Variants in PIK3C3 observed in about 807,000 individuals in gnomAD.
PIK3C3 encodes the protein PI3-kinase type 3.
PIK3C3 carries 95 observed loss-of-function variants against 126.1 expected under a neutral mutation model. The ratio of observed to expected loss-of-function variants is 0.75; its 90% CI spans 0.64 to 0.89. The LOEUF is 0.89. Ranked by LOEUF, PIK3C3 falls within the 40% of genes least tolerant of loss-of-function variation. The pLI, the probability that PIK3C3 is intolerant of heterozygous loss-of-function variation, is 0.00. For missense variants in PIK3C3, 829 were observed against 1,063.2 expected, an observed-to-expected ratio of 0.78 and a Z score of 3.06; for synonymous variants, 374 against 360.0, an observed-to-expected ratio of 1.04 and a Z score of -0.44.
chr18:41,977,864 G>A (rs1981007378), intron 4 of PIK3C3, among the ~76,000 whole-genome samples: 1 of 152,190 alleles, frequency 6.6e-6, no homozygotes, highest in Non-Finnish European at 1.5e-5. Context: ...ATTCAGCTCA[G>A]GCTTTTGTCA....
intron 3 of PIK3C3, among the ~76,000 whole-genome samples, chr18:41,965,274 A>C (rs1980298546): frequency 6.6e-6 from 1 of 152,198 alleles, no homozygotes; most frequent in African/African-American, 2.4e-5. Context: ...TCATAAAAAC[A>C]CCTGCGTTAG....
intron 12 of PIK3C3, among the ~76,000 whole-genome samples, chr18:42,016,436 A>G (rs1983077669): frequency 6.6e-6 from 1 of 152,132 alleles, no homozygotes; most frequent in African/African-American, 2.4e-5. Context: ...TCATTCATTC[A>G]TTCACATATA....
intron 4 of PIK3C3, among the ~76,000 whole-genome samples, chr18:41,976,757 C>CT (rs1176490792): frequency 6.6e-6 from 1 of 152,136 alleles, no homozygotes. Flanking sequence ...GTTGTTATTA[C>CT]TTTTTTTACT....
intron 3 of PIK3C3, among the ~76,000 whole-genome samples, chr18:41,965,136 A>G (rs183034829): frequency 2.6e-5 from 4 of 152,328 alleles, no homozygotes; most frequent in African/African-American, 9.6e-5. Flanking sequence ...ACAGAGAAGA[A>G]AAAGAAAAAT....
chr18:42,036,743 G>C (rs562501338), intron 16 of PIK3C3, among the ~76,000 whole-genome samples: 1 of 152,074 alleles, frequency 6.6e-6, no homozygotes, highest in South Asian at 2.1e-4. Flanking sequence ...AAAAGATACA[G>C]ATATTTGAGA....
intron 16 of PIK3C3, among the ~76,000 whole-genome samples, chr18:42,035,781 C>G (rs775403558): frequency 6.6e-6 from 1 of 152,112 alleles, no homozygotes; most frequent in African/African-American, 2.4e-5. Context: ...TGCAGAGGAT[C>G]TGTGGACTCC....
rs1160998763 is a variant in PIK3C3, at chr18:41,993,257, C to T, written c.715-13C>T. The T allele has an allele frequency of 6.4e-7, 1 of 1,567,506 alleles. No homozygotes were observed. Among genetic ancestry groups the T allele is most frequent in the Non-Finnish European group, 8.8e-7 (1 of 1,142,546 alleles). On this transcript the variant is annotated splice_polypyrimidine_tract_variant and intron_variant, in intron 6 of 24. Transcript: ENST00000262039. ...AATTTCTTTTTTTAAAAAATTATTG[C>T]TCTGTAATCTAGGACGGTGATGAAT...
chr18:41,976,367 A>C (rs1320698), intron 4 of PIK3C3, among the ~76,000 whole-genome samples: 1 of 131,632 alleles, frequency 7.6e-6, no homozygotes, highest in Non-Finnish European at 1.7e-5. Context: ...TGAAGACCAA[A>C]AAAAAAAAAA....
At chr18:42,076,712 C>CTTTAAATA (rs1226936034) in intron 24 of PIK3C3, among the ~76,000 whole-genome samples, 2 of 152,158 alleles carry the variant, frequency 1.3e-5, no homozygotes, top group African/African-American at 4.8e-5. Context: ...ATTTTCAGCC[C>CTTTAAATA]AAATGCCTTG....
chr18:42,015,419 G>C (rs146168684), intron 11 of PIK3C3, 57 bp from the exon 12 acceptor site: 14 of 1,336,402 alleles, frequency 1.0e-5, no homozygotes, highest in Non-Finnish European at 1.5e-5. Flanking sequence ...AAAATTGTGC[G>C]TTCTCTTATG....
chr18:41,990,480 T>A lies in PIK3C3; in HGVS notation c.640T>A (p.Phe214Ile). The A allele has an allele frequency of 6.3e-7, 1 of 1,596,860 alleles. No individual in the cohort carries two copies. Among genetic ancestry groups the A allele is most frequent in the Non-Finnish European group, 8.6e-7 (1 of 1,165,288 alleles). The change falls in exon 6 of 25, where the codon TTC becomes ATC. Residue 214 changes from phenylalanine to isoleucine, a missense_variant. By Grantham distance (21) the Phe-to-Ile change is conservative. Coordinates refer to ENST00000262039, the MANE Select transcript of PIK3C3 (RefSeq NM_002647.4). ...TCAGAGTGAAAAACGAAGTTCTAAT[T>A]TCATGTACCTGATGGTTGAATTTCG... ...INESEKRSSN[F>I]MYLMVEFRCV...
At chr18:42,004,814 T>C (rs1982465234) in intron 10 of PIK3C3, among the ~76,000 whole-genome samples, 1 of 152,200 alleles carries the variant, frequency 6.6e-6, no homozygotes, top group African/African-American at 2.4e-5. Flanking sequence ...GCAGAGCTTG[T>C]ATTGCTCTGT....
chr18:42,077,787 A>G (rs566853117), intron 24 of PIK3C3, among the ~76,000 whole-genome samples: 1 of 152,328 alleles, frequency 6.6e-6, no homozygotes, highest in South Asian at 2.1e-4. Flanking sequence ...AATGGCATCT[A>G]GAATGGTGAA....
chr18:42,062,309 TC>T (rs1985352563), intron 22 of PIK3C3, among the ~76,000 whole-genome samples: 1 of 151,518 alleles, frequency 6.6e-6, no homozygotes, highest in Non-Finnish European at 1.5e-5. Flanking sequence ...TGAAGCCCTC[TC>T]AAGTGGATCA....
chr18:41,962,680 C>A (rs748093931), intron 3 of PIK3C3, 48 bp downstream of exon 3: 7 of 1,556,310 alleles, frequency 4.5e-6, no homozygotes, highest in Non-Finnish European at 4.4e-6. Context: ...AGCTTTCTGA[C>A]CCTTTTCTTT....
At chr18:42,068,576 A>C (rs1042704993) in intron 24 of PIK3C3, among the ~76,000 whole-genome samples, 1 of 151,986 alleles carries the variant, frequency 6.6e-6, no homozygotes, top group Non-Finnish European at 1.5e-5. Flanking sequence ...ACTTGCACTT[A>C]TGTTTTGCTT....
chr18:42,070,683 TATA>T (rs1330240894), intron 24 of PIK3C3, among the ~76,000 whole-genome samples: 2 of 152,150 alleles, frequency 1.3e-5, no homozygotes, highest in African/African-American at 4.8e-5. Context: ...ATAAATTTAA[TATA>T]ATGTCAAAGG....
intron 10 of PIK3C3, among the ~76,000 whole-genome samples, chr18:42,012,961 G>A (rs1314127292): frequency 6.6e-6 from 1 of 152,032 alleles, no homozygotes; most frequent in African/African-American, 2.4e-5. Flanking sequence ...CTAACCAGTA[G>A]TAGTCATTAA....
Position 42,043,776 on chromosome 18 carries a change from G to T in PIK3C3, c.2147G>T (p.Gly716Val), listed in dbSNP as rs1984433845. The change falls in exon 20 of 25, where the codon GGG (glycine) becomes GTG (valine). Residue 716 changes from glycine to valine, a missense_variant. Physicochemically the swap from Gly to Val is moderately radical, Grantham distance 109. Coordinates refer to ENST00000262039, the MANE Select transcript of PIK3C3 (RefSeq NM_002647.4). ...KYAPSENGPNGISAEVMDTYV... is the reference protein window; with the variant it reads ...KYAPSENGPNVISAEVMDTYV... ...GCACCAAGTGAGAATGGGCCAAATG[G>T]GATTAGTGCTGAGGTCATGGACACT... The T allele has an allele frequency of 5.0e-6, 8 of 1,613,366 alleles. No homozygotes were observed. The highest frequency in any genetic ancestry group is 6.8e-6 in the Non-Finnish European group (8 of 1,179,522).
Sources: allele counts gnomAD v4.1 joint callset (sites outside exome capture counted in the v4.1 genomes callset), GRCh38; gene constraint gnomAD v4.1.1; transcripts MANE v1.5; gene names NCBI Gene and HGNC (gene_info 2026-07-23, HGNC 2026-07-21).